CCDC3: variants seen among roughly 807,000 people sequenced by gnomAD.
CCDC3 encodes the protein coiled-coil domain-containing protein 3.
A neutral mutation model predicts 21.4 loss-of-function variants in CCDC3; 24 were observed. That is an observed-to-expected ratio of 1.12 (90% CI 0.81 to 1.58). The LOEUF (loss-of-function observed/expected upper bound fraction) is 1.58. Among genes scored for constraint, CCDC3 ranks in the 40% most tolerant of loss-of-function variants. The pLI is 0.00. For missense variants in CCDC3, 425 were observed against 360.9 expected, an observed-to-expected ratio of 1.18 and a Z score of -1.44; for synonymous variants, 186 against 166.0, an observed-to-expected ratio of 1.12 and a Z score of -0.93.
chr10:12,968,672 A>T (rs1439517809), intron 2 of CCDC3, among the ~76,000 whole-genome samples: 1 of 152,198 alleles, frequency 6.6e-6, no homozygotes, highest in East Asian at 1.9e-4. Context: ...AATAGCTATA[A>T]TTTTTTAAGG....
At chr10:12,954,111 A>G (rs746959242) in intron 2 of CCDC3, among the ~76,000 whole-genome samples, 3 of 152,224 alleles carry the variant, frequency 2.0e-5, no homozygotes, top group Non-Finnish European at 4.4e-5. Context: ...GGCCACACAA[A>G]AACAGGTACC....
At chr10:12,958,246 T>C (rs1230048873) in intron 2 of CCDC3, among the ~76,000 whole-genome samples, 1 of 152,126 alleles carries the variant, frequency 6.6e-6, no homozygotes, top group East Asian at 1.9e-4. Context: ...CCCAAGACCA[T>C]GAAGAAGTTT....
chr10:13,059,248 C>G (rs955158203), intron 4 of CCDC3, among the ~76,000 whole-genome samples: 3 of 152,208 alleles, frequency 2.0e-5, no homozygotes, highest in Non-Finnish European at 4.4e-5. Context: ...TGGAAGATGG[C>G]AGAGTCTTCA....
At position 12,936,292 on chromosome 10, in the gene CCDC3, G is replaced by A. The variant is rs73573906; in HGVS notation, c.550-37613C>T. Among the ~76,000 whole-genome samples, 3 of 152,172 alleles carry A rather than the reference G, an allele frequency of 2.0e-5. No individual in the cohort carries two copies. The South Asian group carries it at 6.2e-4, about 32-fold the overall frequency. ...TTTTCTCCTCTATTCTTGCTTGCAT[G>A]GTGTCTGAGAAGTTGGATACACTTC... On this transcript the variant is annotated intron_variant, in intron 2 of 2. Transcript: ENST00000378825.
At chr10:13,036,865 G>A (rs981431314) in intron 5 of CCDC3, among the ~76,000 whole-genome samples, 1 of 149,302 alleles carries the variant, frequency 6.7e-6, no homozygotes, top group African/African-American at 2.5e-5. Flanking sequence ...TTGCAGCCTC[G>A]ACTTCCCAGG....
intron 2 of CCDC3, among the ~76,000 whole-genome samples, chr10:12,982,168 C>CA (rs1835508742): frequency 9.6e-6 from 1 of 104,696 alleles, no homozygotes; most frequent in Non-Finnish European, 2.0e-5. Flanking sequence ...TACCACCAAT[C>CA]AAAATCAAAA....
upstream of CCDC3, among the ~76,000 whole-genome samples, chr10:13,002,516 A>G (rs1835872305): frequency 6.6e-6 from 1 of 152,104 alleles, no homozygotes; most frequent in Non-Finnish European, 1.5e-5. Flanking sequence ...CAGTCTCCCA[A>G]GTAGCTGGGA....
chr10:12,963,597 T>C (rs77131566), intron 2 of CCDC3, among the ~76,000 whole-genome samples: 2 of 150,258 alleles, frequency 1.3e-5, no homozygotes, highest in Admixed American at 1.3e-4. Context: ...TTTTTTTTTT[T>C]TTTCAGACAG....
chr10:13,007,021 A>G (rs1291538858), intron 5 of CCDC3, among the ~76,000 whole-genome samples: 1 of 152,156 alleles, frequency 6.6e-6, no homozygotes, highest in African/African-American at 2.4e-5. Flanking sequence ...TTTACGGTAG[A>G]GGTACTTACC....
intron 5 of CCDC3, among the ~76,000 whole-genome samples, chr10:13,030,892 A>C (rs1432281107): frequency 6.6e-6 from 1 of 152,170 alleles, no homozygotes; most frequent in Non-Finnish European, 1.5e-5. Flanking sequence ...ACACAATAAT[A>C]ATGGGAGACT....
At chr10:12,971,440 G>C (rs1835341944) in intron 2 of CCDC3, among the ~76,000 whole-genome samples, 1 of 152,198 alleles carries the variant, frequency 6.6e-6, no homozygotes. Context: ...CGCAGATGGA[G>C]ATGCAGAAAA....
intron 3 of CCDC3, among the ~76,000 whole-genome samples, chr10:13,082,107 G>A (rs1837046437): frequency 6.6e-6 from 1 of 152,206 alleles, no homozygotes; most frequent in African/African-American, 2.4e-5. Flanking sequence ...AAAGACACAA[G>A]ACAAAGTGAT....
intron 2 of CCDC3, among the ~76,000 whole-genome samples, chr10:12,967,439 TAATA>T (rs1835278231): frequency 6.6e-6 from 1 of 152,050 alleles, no homozygotes; most frequent in Non-Finnish European, 1.5e-5. Context: ...GTCAGGAAAA[TAATA>T]AATAATCAAC....
intron 2 of CCDC3, among the ~76,000 whole-genome samples, chr10:12,928,473 G>C (rs1176878610): frequency 2.0e-5 from 3 of 152,194 alleles, no homozygotes; most frequent in Non-Finnish European, 4.4e-5. Context: ...TTGAAGAAGT[G>C]AACCAATACC....
chr10:12,910,756 C>G (rs1834260293), intron 2 of CCDC3, among the ~76,000 whole-genome samples: 1 of 151,824 alleles, frequency 6.6e-6, no homozygotes, highest in African/African-American at 2.4e-5. Flanking sequence ...ACTACAGGCA[C>G]CCTAATTTTT....
At chr10:13,011,178 C>A (rs1202138381) in intron 5 of CCDC3, among the ~76,000 whole-genome samples, 15 of 90,126 alleles carry the variant, frequency 1.7e-4, no homozygotes, top group South Asian at 1.2e-3. Context: ...GAGACTCTGT[C>A]TCAGAAGAAA....
rs61565163 is a variant in CCDC3, at chr10:12,933,458, A to ATTT, written c.550-34782_550-34780dup. Among the ~76,000 whole-genome samples the ATTT allele has an allele frequency of 6.2e-5, 9 of 144,634 alleles. 1 individual carries two copies. The highest frequency in any genetic ancestry group is 7.5e-5 in the Non-Finnish European group (5 of 66,472). The allele number at this position is 144,634 out of a possible 152,430, so 94.9% of individuals were successfully genotyped here. On this transcript the variant is annotated intron_variant, in intron 2 of 2. Transcript: ENST00000378825. ...TAGAGTTGTTGATAATATTCCCTTT[A>ATTT]TTTTTTTTTTTTTTGAGACAGAGTC...
chr10:12,947,233 T>G (rs1834929345), intron 2 of CCDC3, among the ~76,000 whole-genome samples: 1 of 152,096 alleles, frequency 6.6e-6, no homozygotes, highest in Admixed American at 6.5e-5. Context: ...CAGGAACTTC[T>G]GCCTCCCAGG....
chr10:13,092,112 C>T (rs1289469618), intron 3 of CCDC3, among the ~76,000 whole-genome samples: 2 of 152,114 alleles, frequency 1.3e-5, no homozygotes, highest in East Asian at 1.9e-4. Context: ...TGTGAACATA[C>T]AAAGAAAGTT....
Sources: allele counts gnomAD v4.1 joint callset (sites outside exome capture counted in the v4.1 genomes callset), GRCh38; gene constraint gnomAD v4.1.1; transcripts MANE v1.5; gene names NCBI Gene and HGNC (gene_info 2026-07-23, HGNC 2026-07-21).